The following RAB15 variants were observed in gnomAD, a reference collection of about 807,000 sequenced individuals.
RAB15 encodes the protein RAB15, member RAS oncogene family.
Under a neutral mutation model 31.8 loss-of-function variants are expected in RAB15, and 13 were observed. The observed-to-expected ratio is 0.41, with a 90% CI of 0.27 to 0.65. The LOEUF (loss-of-function observed/expected upper bound fraction) is 0.65. Among genes scored for constraint, RAB15 ranks in the 30% least tolerant of loss-of-function variants. The pLI, the probability that RAB15 is intolerant of heterozygous loss-of-function variation, is 0.32. For synonymous variants in RAB15, 100 were observed against 105.6 expected (o/e 0.95, Z 0.33); for missense variants, 220 against 277.3 (o/e 0.79, Z 1.47).
At position 64,948,276 on chromosome 14, in the gene RAB15, G is replaced by T; in HGVS notation, c.*78C>A. On this transcript the variant is annotated 3_prime_UTR_variant, in exon 7 of 7. Transcript: ENST00000533601. This position sits in a 1 kb window ranked among gnomAD's most constrained non-coding sequence, Gnocchi z 7.0. ...CATCACACGAGAGGACAGCAGCAGG[G>T]CAAAGCCCCGGCTCCCCTGTCTGCC... 1 of 1,402,052 alleles carries T rather than the reference G, an allele frequency of 7.1e-7. No individual in the cohort carries two copies. The highest frequency in any genetic ancestry group is 9.4e-7 in the Non-Finnish European group (1 of 1,068,408). The allele number at this position is 1,402,052 out of a possible 1,614,324, so 86.9% of individuals were successfully genotyped here.
intron 1 of RAB15, among the ~76,000 whole-genome samples, chr14:64,961,725 A>G (rs1022840151): frequency 1.3e-5 from 2 of 152,176 alleles, no homozygotes; most frequent in African/African-American, 4.8e-5. Context: ...TCAGGGCAAC[A>G]TAGTGAGACC....
Position 64,958,816 on chromosome 14 carries a change from C to T in RAB15, c.125-6245G>A, listed in dbSNP as rs1002397181. Among the ~76,000 whole-genome samples the T allele has an allele frequency of 2.6e-5, 4 of 152,172 alleles. No individual in the cohort carries two copies. Among genetic ancestry groups the T allele is most frequent in the Admixed American group, 1.3e-4 (2 of 15,280 alleles). On this transcript the variant is annotated intron_variant, in intron 1 of 6. Transcript: ENST00000533601. The surrounding 1 kb of genome is among the most constrained non-coding windows in gnomAD (Gnocchi z 4.4). The stretch of plus-strand genomic sequence containing the variant: ...CTCTCCCAACCAGGTGCCCAAAGCA[C>T]GGAGAGCAGCTCATTGTTTTTCCCG...
In RAB15 at chr14:64,951,329, C is replaced by A. The variant is rs554085045; in HGVS notation, c.247-178G>T. 1.3e-5 allele frequency among the ~76,000 whole-genome samples: 2 copies of A among 152,318 alleles called. No homozygotes were observed. Among genetic ancestry groups the A allele is most frequent in the South Asian group, 4.1e-4 (2 of 4,828 alleles). The stretch of plus-strand genomic sequence containing the variant: ...GCCGCCTCCCAGGCCCATCACAGAA[C>A]TCTCTACAGCAGGAAGACACCACAT... On this transcript the variant is annotated intron_variant, in intron 3 of 6. Transcript: ENST00000533601. This position sits in a 1 kb window ranked among gnomAD's most constrained non-coding sequence, Gnocchi z 7.2.
rs112279279 is a variant in RAB15 at position 64,951,447 on chromosome 14, C to T, written c.246+156G>A. Among the ~76,000 whole-genome samples the T allele has an allele frequency of 5.1e-3, 774 of 152,250 alleles. 6 individuals carry two copies. Among genetic ancestry groups the T allele is most frequent in the African/African-American group, 0.017 (718 of 41,554 alleles). ...CAGTGAGTGGGCCATGAACAATGGA[C>T]GGACAAATGATCAGTGAACAGCTGA... On this transcript the variant is annotated intron_variant, in intron 3 of 6. Coordinates refer to ENST00000533601, the MANE Select transcript of RAB15 (RefSeq NM_001308154.2). This position sits in a 1 kb window ranked among gnomAD's most constrained non-coding sequence, Gnocchi z 7.2.
At chr14:64,964,177 G>A (rs1887001062) in intron 1 of RAB15, among the ~76,000 whole-genome samples, 1 of 152,240 alleles carries the variant, frequency 6.6e-6, no homozygotes, top group Non-Finnish European at 1.5e-5. Flanking sequence ...TACATATCTA[G>A]AGAAAAGATG....
Position 64,954,169 on chromosome 14 carries a change from A to T in RAB15, c.125-1598T>A. ...CGCCTGCCCAAGCTGATTCATATCC[A>T]TTGAGCTGTACTTTTCCAAATGGGC... On this transcript the variant is annotated intron_variant, in intron 1 of 6. Coordinates refer to ENST00000533601, the MANE Select transcript of RAB15 (RefSeq NM_001308154.2). This position sits in a 1 kb window ranked among gnomAD's most constrained non-coding sequence, Gnocchi z 4.3. The T allele has an allele frequency of 4.1e-6, 4 of 985,418 alleles. No individual in the cohort carries two copies. The highest frequency in any genetic ancestry group is 4.8e-6 in the Non-Finnish European group (4 of 829,936). 61.0% of individuals were successfully genotyped at this position (985,418 alleles called of 1,614,324 possible).
chr14:64,971,907 G>A lies in RAB15; in HGVS notation c.124+46C>T, dbSNP rs754481990. 4 of 1,524,928 alleles carry A rather than the reference G, an allele frequency of 2.6e-6. No individual in the cohort carries two copies. The highest frequency in any genetic ancestry group is 3.5e-6 in the Non-Finnish European group (4 of 1,133,116). 94.5% of individuals were successfully genotyped at this position (1,524,928 alleles called of 1,614,324 possible). Reference sequence around the variant, plus strand: ...TGGGGACGGGGGCGGCGGGGAAAGGGGCCGCGGGCGGGGAGGGAGGGGCGC... The same window carrying A: ...TGGGGACGGGGGCGGCGGGGAAAGGAGCCGCGGGCGGGGAGGGAGGGGCGC... On this transcript the variant is annotated intron_variant, in intron 1 of 6. Coordinates refer to ENST00000533601, the MANE Select transcript of RAB15 (RefSeq NM_001308154.2). This position sits in a 1 kb window ranked among gnomAD's most constrained non-coding sequence, Gnocchi z 4.1.
Position 64,955,091 on chromosome 14 carries a change from C to A in RAB15, c.125-2520G>T, listed in dbSNP as rs1886468572. Among the ~76,000 whole-genome samples the A allele has an allele frequency of 6.6e-6, 1 of 152,102 alleles. No homozygotes were observed. Among genetic ancestry groups the A allele is most frequent in the African/African-American group, 2.4e-5 (1 of 41,404 alleles). On this transcript the variant is annotated intron_variant, in intron 1 of 6. Transcript: ENST00000533601. The surrounding 1 kb of genome is among the most constrained non-coding windows in gnomAD (Gnocchi z 4.4). ...CGGGGCTCGCAGCACTCCCCGGCCT[C>A]ACACACACCCCACCATCTTGCAACC...
At position 64,962,698 on chromosome 14, in the gene RAB15, TTCAG is replaced by T. The variant is rs1386209549; in HGVS notation, c.124+9251_124+9254del. Among the ~76,000 whole-genome samples, 1 of 152,180 alleles carries T rather than the reference TTCAG, an allele frequency of 6.6e-6. No homozygotes were observed. The highest frequency in any genetic ancestry group is 2.4e-5 in the African/African-American group (1 of 41,438). On this transcript the variant is annotated intron_variant, in intron 1 of 6. Coordinates refer to ENST00000533601, the MANE Select transcript of RAB15 (RefSeq NM_001308154.2). The surrounding 1 kb of genome is among the most constrained non-coding windows in gnomAD (Gnocchi z 4.2). Reference sequence around the variant, plus strand: ...GCAAAGATCCTGTGGCAGGACACATTTCAGTCAAACTCACAGTTCCTAGGAAGAG... The same window carrying T: ...GCAAAGATCCTGTGGCAGGACACATTTCAAACTCACAGTTCCTAGGAAGAG...
intron 1 of RAB15, among the ~76,000 whole-genome samples, chr14:64,967,712 CAT>C (rs1887212768): frequency 6.6e-6 from 1 of 152,210 alleles, no homozygotes; most frequent in Admixed American, 6.5e-5. Flanking sequence ...GTCCCCTGAA[CAT>C]AGATGTCCAT....
rs899504904 is a variant in RAB15 at position 64,971,167 on chromosome 14, C to G, written c.124+786G>C. Among the ~76,000 whole-genome samples the G allele has an allele frequency of 3.9e-5, 6 of 152,306 alleles. No homozygotes were observed. Among genetic ancestry groups the G allele is most frequent in the African/African-American group, 1.4e-4 (6 of 41,556 alleles). ...CTGTCTCAGAGGGGAGGCCATGGAC[C>G]CATTCCTAGAATAAGTGACCCCATC... On this transcript the variant is annotated intron_variant, in intron 1 of 6. Coordinates refer to ENST00000533601, the MANE Select transcript of RAB15 (RefSeq NM_001308154.2). This position sits in a 1 kb window ranked among gnomAD's most constrained non-coding sequence, Gnocchi z 4.1.
In RAB15 at chr14:64,968,377, G is replaced by A. The variant is rs1452223058; in HGVS notation, c.124+3576C>T. On this transcript the variant is annotated intron_variant, in intron 1 of 6. Transcript: ENST00000533601. This position sits in a 1 kb window ranked among gnomAD's most constrained non-coding sequence, Gnocchi z 4.9. ...AGGCCTAGCTTCAGCCTTCCCTGCC[G>A]GTTCTAGTCCACAGGGGCCTCTCTC... 2.0e-5 allele frequency among the ~76,000 whole-genome samples: 3 copies of A among 152,110 alleles called. No individual in the cohort carries two copies. Among genetic ancestry groups the A allele is most frequent in the East Asian group, 1.9e-4 (1 of 5,190 alleles).
intron 1 of RAB15, among the ~76,000 whole-genome samples, chr14:64,961,924 A>AC (rs1180184323): frequency 1.3e-5 from 2 of 150,992 alleles, no homozygotes; most frequent in Non-Finnish European, 3.0e-5. Flanking sequence ...TAAAAAAAAA[A>AC]AAAAAACAGG....
At chr14:64,956,067 T>A (rs548840390) in intron 1 of RAB15, among the ~76,000 whole-genome samples, 4 of 152,236 alleles carry the variant, frequency 2.6e-5, no homozygotes, top group Non-Finnish European at 5.9e-5. Flanking sequence ...TCAAAGTGTG[T>A]CCCTGGACCC....
chr14:64,951,116 G>C lies in RAB15; in HGVS notation c.282C>G (p.Arg94=), dbSNP rs769881342. 1 of 1,612,780 alleles carries C rather than the reference G, an allele frequency of 6.2e-7. No individual in the cohort carries two copies. Among genetic ancestry groups the C allele is most frequent in the Non-Finnish European group, 8.5e-7 (1 of 1,179,996 alleles). Reference sequence around the variant, plus strand: ...CCCACTTCATGATGTGCTGGTAAGAGCGCTCGCTGCTAATGTCATAGACCA... The same window carrying C: ...CCCACTTCATGATGTGCTGGTAAGACCGCTCGCTGCTAATGTCATAGACCA... ...IFLVYDISSE[R]SYQHIMKWVS... is the part of the protein sequence containing the mutation. Residue 94 remains arginine, a synonymous_variant, in exon 4 of 7, where the codon CGC becomes CGG. Transcript: ENST00000533601. The surrounding 1 kb of genome is among the most constrained non-coding windows in gnomAD (Gnocchi z 7.2).
chr14:64,963,333 T>G (rs1186361965), intron 1 of RAB15, among the ~76,000 whole-genome samples: 1 of 152,072 alleles, frequency 6.6e-6, no homozygotes, highest in African/African-American at 2.4e-5. Flanking sequence ...TTGACCAGGC[T>G]GGGTCTTCCC....
intron 1 of RAB15, among the ~76,000 whole-genome samples, chr14:64,967,696 T>A (rs1887211978): frequency 6.6e-6 from 1 of 152,174 alleles, no homozygotes. Context: ...AGAAAGGTCC[T>A]CAAAGGTCCC....
rs551445025 is a variant in RAB15, at chr14:64,962,227, A to AAAAC, written c.125-9660_125-9657dup. On this transcript the variant is annotated intron_variant, in intron 1 of 6. Coordinates refer to ENST00000533601, the MANE Select transcript of RAB15 (RefSeq NM_001308154.2). This position sits in a 1 kb window ranked among gnomAD's most constrained non-coding sequence, Gnocchi z 4.2. ...GAGACTCTGTCTCAAAAAACAAAACAAAACAAACAAACAAAAAACAGTCCC... is the reference window on the plus strand; with the variant it reads ...GAGACTCTGTCTCAAAAAACAAAACAAAACAAACAAACAAACAAAAAACAGTCCC... Among the ~76,000 whole-genome samples, 21 of 152,318 alleles carry AAAAC rather than the reference A, an allele frequency of 1.4e-4. No homozygotes were observed. In the East Asian group the frequency reaches 3.1e-3, roughly 22 times the overall value.
chr14:64,957,517 T>TCGCCCAGCCCTACTCACTC (rs1886640861), intron 1 of RAB15, among the ~76,000 whole-genome samples: 1 of 152,204 alleles, frequency 6.6e-6, no homozygotes, highest in Non-Finnish European at 1.5e-5. Flanking sequence ...TTCTCAGGAC[T>TCGCCCAGCCCTACTCACTC]CGCCCAGCCC....
Sources: gnomAD v4.1 joint callset for allele counts (sites outside exome capture counted in the v4.1 genomes callset) on GRCh38, gnomAD v4.1.1 for gene constraint, Gnocchi (gnomAD v3.1) non-coding constraint, MANE v1.5 for transcripts, NCBI Gene and HGNC (gene_info 2026-07-23, HGNC 2026-07-21) for gene names.